Variants in N4BP1 observed in about 807,000 individuals in gnomAD.
N4BP1 encodes the protein NEDD4 binding protein 1.
A neutral mutation model predicts 70.9 loss-of-function variants in N4BP1; 21 were observed. The observed-to-expected ratio is 0.30, with a 90% CI of 0.21 to 0.43. The LOEUF (loss-of-function observed/expected upper bound fraction) is 0.43. Among genes scored for constraint, N4BP1 ranks in the 20% least tolerant of loss-of-function variants. N4BP1 has a pLI of 1.00. For missense variants in N4BP1, 936 were observed against 1,069.4 expected (o/e 0.88, Z 1.74); for synonymous variants, 387 against 394.6 (o/e 0.98, Z 0.23).
rs185162711 is a variant in N4BP1 at position 48,554,663 on chromosome 16, C to T, written c.1890-994G>A. 2.6e-5 allele frequency among the ~76,000 whole-genome samples: 4 copies of T among 152,280 alleles called. No individual in the cohort carries two copies. In the South Asian group the frequency reaches 6.2e-4, roughly 24 times the overall value. On this transcript the variant is annotated intron_variant, in intron 2 of 6. Coordinates refer to ENST00000262384, the MANE Select transcript of N4BP1 (RefSeq NM_153029.4). ...GCTTCAATGGTCACTTAGATTCCAGCGACAATACTCCCTGCATCTTCAGTC... is the reference window on the plus strand; with the variant it reads ...GCTTCAATGGTCACTTAGATTCCAGTGACAATACTCCCTGCATCTTCAGTC...
intron 1 of N4BP1, among the ~76,000 whole-genome samples, chr16:48,594,772 T>G (rs1456359628): frequency 1.3e-5 from 2 of 152,236 alleles, no homozygotes; most frequent in African/African-American, 4.8e-5. Context: ...TGTATGAGAT[T>G]CCTATAATTC....
intron 1 of N4BP1, among the ~76,000 whole-genome samples, chr16:48,580,763 A>T (rs1203578700): frequency 6.6e-6 from 1 of 152,164 alleles, no homozygotes; most frequent in African/African-American, 2.4e-5. Context: ...TCAGAAAAAA[A>T]ATTACATTTG....
intron 1 of N4BP1, among the ~76,000 whole-genome samples, chr16:48,580,555 A>T (rs1206528980): frequency 6.6e-6 from 1 of 152,196 alleles, no homozygotes; most frequent in Non-Finnish European, 1.5e-5. Context: ...ACTGAAGAGG[A>T]GGAAATACTT....
At chr16:48,574,294 G>A (rs1597102185) in intron 1 of N4BP1, among the ~76,000 whole-genome samples, 5 of 152,196 alleles carry the variant, frequency 3.3e-5, no homozygotes, top group South Asian at 2.1e-4. Flanking sequence ...ATGATGTGTC[G>A]CTGATAGTTT....
At position 48,540,256 on chromosome 16, in the gene N4BP1, GAGGC is replaced by G. The variant is rs1963475595; in HGVS notation, c.*2644_*2647del. 1 of 152,602 alleles carries G rather than the reference GAGGC, an allele frequency of 6.6e-6. No homozygotes were observed. The highest frequency in any genetic ancestry group is 6.5e-5 in the Admixed American group (1 of 15,280). The allele number at this position is 152,602 out of a possible 1,614,324, so 9.5% of individuals were successfully genotyped here. ...ACAGGCAGCCACACCTGAGGCGTGGGAGGCAGGTAGGAGCTGGGGGAGGGCGGGG... is the reference window on the plus strand; with the variant it reads ...ACAGGCAGCCACACCTGAGGCGTGGGAGGTAGGAGCTGGGGGAGGGCGGGG... On this transcript the variant is annotated 3_prime_UTR_variant, in exon 7 of 7. Coordinates refer to ENST00000262384, the MANE Select transcript of N4BP1 (RefSeq NM_153029.4).
At chr16:48,588,092 C>G (rs1964274867) in intron 1 of N4BP1, among the ~76,000 whole-genome samples, 1 of 151,890 alleles carries the variant, frequency 6.6e-6, no homozygotes, top group South Asian at 2.1e-4. Context: ...TATGAAATTT[C>G]CTGAGGATAA....
At chr16:48,604,608 AAAAAAC>A (rs1555499920) in intron 1 of N4BP1, among the ~76,000 whole-genome samples, 18 of 145,998 alleles carry the variant, frequency 1.2e-4, no homozygotes, top group African/African-American at 4.2e-4. Context: ...AAGGTAAAAA[AAAAAAC>A]AAAAACAAAA....
Position 48,560,824 on chromosome 16 carries a change from C to T in N4BP1, c.1819G>A (p.Glu607Lys). 1 of 1,613,414 alleles carries T rather than the reference C, an allele frequency of 6.2e-7. No individual in the cohort carries two copies. The highest frequency in any genetic ancestry group is 8.5e-7 in the Non-Finnish European group (1 of 1,179,722). ...GTTCTCCCTGGTTCATTTTTTAATT[C>T]CAGCTTGTAGGGTATTTTTAGAGTA... ...RDTLKIPYKL[E>K]LKNEPGRTDL... The change falls in exon 2 of 7, where the codon GAA becomes AAA. Residue 607 changes from glutamate (E) to lysine (K), a missense_variant. Physicochemically the swap from Glu to Lys is moderately conservative, Grantham distance 56. This residue lies in a region of N4BP1 where 515 missense variants were observed against 491.7 expected (regional missense o/e 1.05). Coordinates refer to ENST00000262384, the MANE Select transcript of N4BP1 (RefSeq NM_153029.4).
intron 1 of N4BP1, among the ~76,000 whole-genome samples, chr16:48,586,463 AT>A (rs374222793): frequency 2.7e-4 from 41 of 151,252 alleles, no homozygotes; most frequent in Admixed American, 2.2e-3. Context: ...AATTACTCTG[AT>A]TTTTTTTTCA....
intron 2 of N4BP1, chr16:48,560,470 A>C (rs759427833): frequency 3.6e-6 from 1 of 281,394 alleles, no homozygotes; most frequent in South Asian, 9.4e-5. Flanking sequence ...CTTAAAAGTC[A>C]CTATACTACA....
intron 1 of N4BP1, among the ~76,000 whole-genome samples, chr16:48,568,249 T>A (rs570617620): frequency 6.6e-6 from 1 of 152,314 alleles, no homozygotes; most frequent in African/African-American, 2.4e-5. Context: ...CCTCCATAAA[T>A]TCAAATCCCG....
intron 2 of N4BP1, among the ~76,000 whole-genome samples, chr16:48,555,100 A>G (rs980815652): frequency 2.0e-5 from 3 of 152,152 alleles, no homozygotes; most frequent in African/African-American, 7.2e-5. Flanking sequence ...CCTTCTTCAA[A>G]TGCCCTCAGG....
At chr16:48,553,693 A>T in intron 2 of N4BP1, 24 bp from the exon 3 acceptor site, 1 of 1,527,176 alleles carries the variant, frequency 6.5e-7, no homozygotes, top group Non-Finnish European at 8.8e-7. Flanking sequence ...AGTAAAGAAA[A>T]TAAGTAAAGT....
chr16:48,550,712 TG>T (rs1486133962), intron 4 of N4BP1, among the ~76,000 whole-genome samples: 1 of 151,998 alleles, frequency 6.6e-6, no homozygotes, highest in Non-Finnish European at 1.5e-5. Flanking sequence ...AAGACCACCC[TG>T]GCCAACATGG....
At chr16:48,580,474 G>C (rs1964160613) in intron 1 of N4BP1, among the ~76,000 whole-genome samples, 1 of 152,084 alleles carries the variant, frequency 6.6e-6, no homozygotes, top group Non-Finnish European at 1.5e-5. Flanking sequence ...CTGATGGCTT[G>C]CTTCACTGCT....
At chr16:48,586,605 G>T (rs1964249421) in intron 1 of N4BP1, among the ~76,000 whole-genome samples, 1 of 152,132 alleles carries the variant, frequency 6.6e-6, no homozygotes, top group South Asian at 2.1e-4. Flanking sequence ...ATCGTTACAT[G>T]TATCAGCCAG....
At chr16:48,607,608 GGAAT>G (rs1487818712) in intron 1 of N4BP1, among the ~76,000 whole-genome samples, 1 of 152,110 alleles carries the variant, frequency 6.6e-6, no homozygotes, top group Non-Finnish European at 1.5e-5. Context: ...GGGACACACA[GGAAT>G]GAAAGTCTTA....
At chr16:48,558,641 T>C (rs182373229) in intron 2 of N4BP1, among the ~76,000 whole-genome samples, 20 of 152,326 alleles carry the variant, frequency 1.3e-4, no homozygotes, top group Admixed American at 1.2e-3. Flanking sequence ...CTTCCACATA[T>C]AGAAAAGTGA....
intron 1 of N4BP1, among the ~76,000 whole-genome samples, chr16:48,570,765 C>T (rs1447404534): frequency 6.6e-6 from 1 of 152,182 alleles, no homozygotes; most frequent in Admixed American, 6.5e-5. Flanking sequence ...TTCAGTAGGA[C>T]TGACAGGGTG....
Sources: gnomAD v4.1 joint callset for allele counts (sites outside exome capture counted in the v4.1 genomes callset) on GRCh38, gnomAD v4.1.1 for gene constraint, gnomAD v4.1.1 regional missense constraint, MANE v1.5 for transcripts, NCBI Gene and HGNC (gene_info 2026-07-23, HGNC 2026-07-21) for gene names.